Variants in CTNNA3 observed in about 807,000 individuals in gnomAD.
CTNNA3 encodes catenin alpha-3.
A neutral mutation model predicts 95.7 loss-of-function variants in CTNNA3; 76 were observed. The observed-to-expected ratio is 0.79, with a 90% CI of 0.66 to 0.96. The LOEUF is 0.96. Ranked by LOEUF, CTNNA3 falls within the 40% of genes least tolerant of loss-of-function variation. The pLI, the probability that CTNNA3 is intolerant of heterozygous loss-of-function variation, is 0.00. For missense variants in CTNNA3, 1,191 were observed against 1,089.8 expected, an observed-to-expected ratio of 1.09 and a Z score of -1.31; for synonymous variants, 431 against 374.4, an observed-to-expected ratio of 1.15 and a Z score of -1.74.
intron 13 of CTNNA3, among the ~76,000 whole-genome samples, chr10:66,266,217 C>T (rs1178223092): frequency 3.3e-5 from 5 of 151,664 alleles, no homozygotes; most frequent in South Asian, 2.1e-4. Context: ...GTGTGATAAT[C>T]CCCTCCCTTG....
At chr10:67,525,713 G>A (rs1332852368) in intron 4 of CTNNA3, among the ~76,000 whole-genome samples, 1 of 152,152 alleles carries the variant, frequency 6.6e-6, no homozygotes, top group Non-Finnish European at 1.5e-5. Context: ...CTCCCTCACT[G>A]CCAACGCCCT....
intron 5 of CTNNA3, among the ~76,000 whole-genome samples, chr10:67,508,142 T>C (rs1839487649): frequency 6.6e-6 from 1 of 152,096 alleles, no homozygotes; most frequent in African/African-American, 2.4e-5. Context: ...TACTCCCGAA[T>C]AGCTGGGATT....
intron 12 of CTNNA3, among the ~76,000 whole-genome samples, chr10:66,350,926 A>G (rs1385447140): frequency 1.3e-5 from 2 of 152,062 alleles, no homozygotes; most frequent in Non-Finnish European, 2.9e-5. Flanking sequence ...AACACCAAAT[A>G]GTCTTTAAAT....
intron 15 of CTNNA3, among the ~76,000 whole-genome samples, chr10:66,000,830 T>C (rs1330528422): frequency 6.6e-6 from 1 of 152,148 alleles, no homozygotes; most frequent in Non-Finnish European, 1.5e-5. Context: ...AAGTTAAACG[T>C]AGCTTGACCA....
At chr10:66,572,500 G>C (rs563755406) in intron 10 of CTNNA3, among the ~76,000 whole-genome samples, 1 of 151,418 alleles carries the variant, frequency 6.6e-6, no homozygotes, top group Non-Finnish European at 1.5e-5. Context: ...TACACCTTAT[G>C]CTGAGGGTCT....
At chr10:66,856,526 A>C (rs2132397314) in intron 7 of CTNNA3, among the ~76,000 whole-genome samples, 1 of 152,142 alleles carries the variant, frequency 6.6e-6, no homozygotes, top group South Asian at 2.1e-4. Context: ...TCTCATCAGC[A>C]GTGTATAAGT....
At chr10:67,654,137 CAG>C (rs1462588774) in intron 1 of CTNNA3, among the ~76,000 whole-genome samples, 3 of 152,174 alleles carry the variant, frequency 2.0e-5, no homozygotes, top group African/African-American at 7.2e-5. Flanking sequence ...GTCAGGGACA[CAG>C]AGGTGAGCTC....
At chr10:66,546,084 G>A (rs1842026608) in intron 10 of CTNNA3, among the ~76,000 whole-genome samples, 1 of 151,566 alleles carries the variant, frequency 6.6e-6, no homozygotes, top group East Asian at 1.9e-4. Context: ...ATAAACACAG[G>A]TCCTTAGTTT....
intron 5 of CTNNA3, among the ~76,000 whole-genome samples, chr10:67,272,405 T>C (rs985917203): frequency 6.6e-6 from 1 of 151,832 alleles, no homozygotes; most frequent in African/African-American, 2.4e-5. Context: ...ATACAAAAAT[T>C]AGCTGGGAGT....
chr10:67,460,798 A>G (rs1471049243), intron 5 of CTNNA3, among the ~76,000 whole-genome samples: 1 of 152,134 alleles, frequency 6.6e-6, no homozygotes, highest in East Asian at 1.9e-4. Context: ...GATACTAACC[A>G]AAAAAAGGAG....
At chr10:66,812,256 G>T (rs1212790888) in intron 7 of CTNNA3, among the ~76,000 whole-genome samples, 1 of 152,158 alleles carries the variant, frequency 6.6e-6, no homozygotes, top group Admixed American at 6.6e-5. Context: ...AAGGGAGTCA[G>T]ATTGTAGTTC....
chr10:67,463,998 G>T lies in CTNNA3; in HGVS notation c.579+57844C>A, dbSNP rs566179025. Among the ~76,000 whole-genome samples, 4 of 152,120 alleles carry T rather than the reference G, an allele frequency of 2.6e-5. No homozygotes were observed. The South Asian group carries it at 8.3e-4, about 32-fold the overall frequency. On this transcript the variant is annotated intron_variant, in intron 5 of 17. Transcript: ENST00000433211. The stretch of plus-strand genomic sequence containing the variant: ...TGCTCCTACGAATGCTCTAACCCCA[G>T]TTCATCACCATCAGATGAATCATTC...
chr10:67,055,790 G>T (rs1925596), intron 7 of CTNNA3, among the ~76,000 whole-genome samples: 81,423 of 151,484 alleles, frequency 0.54, 22,205 homozygotes, highest in East Asian at 0.78. Context: ...AAAGCCATAA[G>T]GATATCAGGG....
chr10:67,704,279 T>C (rs142361178), intron 1 of CTNNA3, among the ~76,000 whole-genome samples: 19 of 152,318 alleles, frequency 1.2e-4, no homozygotes, highest in Admixed American at 8.5e-4. Flanking sequence ...AAAACTGCTT[T>C]AAAGTTTGTA....
intron 5 of CTNNA3, among the ~76,000 whole-genome samples, chr10:67,408,534 T>C (rs1200646448): frequency 6.6e-6 from 1 of 152,120 alleles, no homozygotes; most frequent in Admixed American, 6.5e-5. Flanking sequence ...GCTAGCCCTA[T>C]GTAGAAAATT....
chr10:66,518,029 T>C (rs1250892810), intron 11 of CTNNA3, among the ~76,000 whole-genome samples: 1 of 152,096 alleles, frequency 6.6e-6, no homozygotes, highest in East Asian at 1.9e-4. Flanking sequence ...CCTACCCAAG[T>C]CCTCCGTTTG....
chr10:67,404,244 A>G (rs1845045033), intron 5 of CTNNA3, among the ~76,000 whole-genome samples: 1 of 152,132 alleles, frequency 6.6e-6, no homozygotes, highest in Admixed American at 6.5e-5. Context: ...ATGTGGATCT[A>G]AAAAATGAAC....
chr10:67,418,711 T>C (rs1405526334), intron 5 of CTNNA3, among the ~76,000 whole-genome samples: 1 of 152,052 alleles, frequency 6.6e-6, no homozygotes, highest in African/African-American at 2.4e-5. Flanking sequence ...GGTTAAAGAA[T>C]AGAAAATTTC....
chr10:66,604,234 A>G (rs1310051163), intron 10 of CTNNA3, among the ~76,000 whole-genome samples: 1 of 152,192 alleles, frequency 6.6e-6, no homozygotes, highest in Non-Finnish European at 1.5e-5. Context: ...GCAGCTCAGT[A>G]GCAAAAACAA....
Sources: allele counts gnomAD v4.1 joint callset (sites outside exome capture counted in the v4.1 genomes callset), GRCh38; gene constraint gnomAD v4.1.1; transcripts MANE v1.5; gene names NCBI Gene and HGNC (gene_info 2026-07-23, HGNC 2026-07-21).